The following MYO1D variants were observed in gnomAD, a reference collection of about 807,000 sequenced individuals.
The protein encoded by MYO1D is unconventional myosin-Id.
Under a neutral mutation model 122.0 loss-of-function variants are expected in MYO1D, and 83 were observed. The ratio of observed to expected loss-of-function variants is 0.68; its 90% CI spans 0.57 to 0.82. The LOEUF (loss-of-function observed/expected upper bound fraction) is 0.82. MYO1D is among the 40% of genes least tolerant of loss of function. The pLI is 0.00. For missense variants in MYO1D, 1,157 were observed against 1,269.5 expected (o/e 0.91, Z 1.35); for synonymous variants, 464 against 446.9 (o/e 1.04, Z -0.48).
At chr17:32,849,915 A>G (rs1256620588) in intron 1 of MYO1D, among the ~76,000 whole-genome samples, 2 of 152,226 alleles carry the variant, frequency 1.3e-5, no homozygotes, top group Non-Finnish European at 2.9e-5. Flanking sequence ...AAAACACGGA[A>G]GGAAATACAC....
intron 16 of MYO1D, among the ~76,000 whole-genome samples, chr17:32,664,658 T>C (rs2088612881): frequency 6.6e-6 from 1 of 152,056 alleles, no homozygotes; most frequent in Admixed American, 6.5e-5. Flanking sequence ...GAGAGCATAC[T>C]GACAGAGGAG....
At chr17:32,818,813 C>G (rs1180514354) in intron 1 of MYO1D, among the ~76,000 whole-genome samples, 1 of 152,184 alleles carries the variant, frequency 6.6e-6, no homozygotes, top group Non-Finnish European at 1.5e-5. Flanking sequence ...ATACCAGGGT[C>G]CAGTTTTCTT....
chr17:32,630,017 G>T (rs892871653), intron 20 of MYO1D, among the ~76,000 whole-genome samples: 1 of 152,160 alleles, frequency 6.6e-6, no homozygotes, highest in African/African-American at 2.4e-5. Flanking sequence ...AAGCGATGGG[G>T]GAAGGCTAGA....
intron 20 of MYO1D, among the ~76,000 whole-genome samples, chr17:32,612,702 A>C (rs962848723): frequency 6.6e-6 from 1 of 151,342 alleles, no homozygotes; most frequent in African/African-American, 2.4e-5. Context: ...AAAACAAAAA[A>C]AAAAAAAAAA....
At chr17:32,500,118 A>G (rs1356869288) in intron 21 of MYO1D, among the ~76,000 whole-genome samples, 1 of 152,220 alleles carries the variant, frequency 6.6e-6, no homozygotes, top group East Asian at 1.9e-4. Context: ...GCTGCCCTGC[A>G]CACAGGAGAT....
In MYO1D at chr17:32,760,276, A is replaced by G. The variant is rs16967630; in HGVS notation, c.1296+14T>C. ...AGAAACACATGAAGGCATTTTCCAT[A>G]AGAGTCCACTCACATGTTTCCAGGG... is the stretch of plus-strand genomic sequence containing the variant. On this transcript the variant is annotated intron_variant, in intron 10 of 21. Transcript: ENST00000318217. The G allele has an allele frequency of 7.7e-4, 1,210 of 1,572,960 alleles. 8 individuals carry two copies. The African/African-American group carries it at 0.015, about 19-fold the overall frequency.
chr17:32,651,657 T>C (rs2088391145), intron 19 of MYO1D, among the ~76,000 whole-genome samples: 1 of 151,396 alleles, frequency 6.6e-6, no homozygotes, highest in Admixed American at 6.6e-5. Context: ...TCTCCCCACA[T>C]AGATATCTTT....
intron 21 of MYO1D, chr17:32,519,016 G>C (rs73981820): frequency 6.6e-6 from 1 of 152,358 alleles, no homozygotes. Context: ...ACTGGACGTC[G>C]AGTCTCACCT....
chr17:32,668,986 G>A (rs1010450679), intron 16 of MYO1D, among the ~76,000 whole-genome samples: 3 of 152,114 alleles, frequency 2.0e-5, no homozygotes, highest in Admixed American at 1.3e-4. Context: ...ACAGGTGTGA[G>A]CCACTGCGCC....
intron 16 of MYO1D, among the ~76,000 whole-genome samples, chr17:32,669,412 T>G (rs1410338035): frequency 6.6e-6 from 1 of 152,206 alleles, no homozygotes; most frequent in African/African-American, 2.4e-5. Context: ...GGCCCTAGAA[T>G]CCCAGATCCC....
intron 1 of MYO1D, among the ~76,000 whole-genome samples, chr17:32,872,939 A>G (rs1223873706): frequency 1.6e-4 from 22 of 141,050 alleles, no homozygotes; most frequent in Middle Eastern, 4.0e-3. Flanking sequence ...CTCATGATCC[A>G]CCTGCCTCGG....
At chr17:32,530,395 A>G (rs2150872611) in intron 21 of MYO1D, among the ~76,000 whole-genome samples, 1 of 152,380 alleles carries the variant, frequency 6.6e-6, no homozygotes, top group Middle Eastern at 3.4e-3. Flanking sequence ...TTAAAATTAC[A>G]TGATGAGAAG....
chr17:32,658,502 A>C (rs1026583247), intron 17 of MYO1D: 1 of 152,362 alleles, frequency 6.6e-6, no homozygotes, highest in African/African-American at 2.4e-5. Context: ...GCAGGTTATA[A>C]AAAAATAAAG....
intron 21 of MYO1D, among the ~76,000 whole-genome samples, chr17:32,584,091 A>G (rs2087365348): frequency 6.6e-6 from 1 of 152,142 alleles, no homozygotes; most frequent in African/African-American, 2.4e-5. Context: ...GGGGTGAGCC[A>G]CCATGTCCAG....
At chr17:32,530,672 A>C (rs1053126262) in intron 21 of MYO1D, among the ~76,000 whole-genome samples, 5 of 152,140 alleles carry the variant, frequency 3.3e-5, no homozygotes, top group Admixed American at 2.6e-4. Context: ...GTGGTGGTGC[A>C]TGCCTGTAGT....
intron 21 of MYO1D, among the ~76,000 whole-genome samples, chr17:32,584,484 G>A (rs1388223995): frequency 1.3e-5 from 2 of 151,048 alleles, no homozygotes; most frequent in Non-Finnish European, 2.9e-5. Context: ...CCACTGTTGT[G>A]AAATAGATCT....
chr17:32,755,501 G>A lies in MYO1D; in HGVS notation c.1458C>T (p.Ser486=), dbSNP rs1332499021. The A allele has an allele frequency of 6.2e-7, 1 of 1,613,618 alleles. No individual in the cohort carries two copies. The highest frequency in any genetic ancestry group is 8.5e-7 in the Non-Finnish European group (1 of 1,179,674). ...TCATTAAACACATTACCTTTCGGCT[G>A]GAAAAATGGGCGTGTTTGCCCAATT... ...NSKLGKHAHF[S]SRKLCASDKI... The change falls in exon 11 of 22, where the codon TCC becomes TCT. Residue 486 remains serine (S), a synonymous_variant. Coordinates refer to ENST00000318217, the MANE Select transcript of MYO1D (RefSeq NM_015194.3).
chr17:32,863,657 A>G (rs1040527501), intron 1 of MYO1D, among the ~76,000 whole-genome samples: 1 of 152,270 alleles, frequency 6.6e-6, no homozygotes, highest in Non-Finnish European at 1.5e-5. Flanking sequence ...TTATAACTAC[A>G]GTCATGATGA....
chr17:32,716,474 A>G (rs1253608831), intron 15 of MYO1D, among the ~76,000 whole-genome samples: 2 of 152,170 alleles, frequency 1.3e-5, no homozygotes, highest in African/African-American at 4.8e-5. Flanking sequence ...TGCCTGCCAT[A>G]CTATGAGGCA....
Sources: gnomAD v4.1 joint callset for allele counts (sites outside exome capture counted in the v4.1 genomes callset) on GRCh38, gnomAD v4.1.1 for gene constraint, MANE v1.5 for transcripts, NCBI Gene and HGNC (gene_info 2026-07-23, HGNC 2026-07-21) for gene names.